Variants in ETS2 observed in about 807,000 individuals in gnomAD.
ETS2 encodes the protein protein C-ets-2.
ETS2 carries 19 observed loss-of-function variants against 54.9 expected under a neutral mutation model. The observed-to-expected ratio is 0.35, with a 90% CI of 0.24 to 0.51. ETS2 has a LOEUF of 0.51. Ranked by LOEUF, ETS2 falls within the 20% of genes least tolerant of loss-of-function variation. The pLI is 0.97. For synonymous variants in ETS2, 219 were observed against 229.3 expected (o/e 0.95, Z 0.41); for missense variants, 417 against 593.0 (o/e 0.70, Z 3.08).
rs2060893699 is a variant in ETS2 at position 38,806,493 on chromosome 21, G to C, written c.-1+373G>C. On this transcript the variant is annotated intron_variant, in intron 1 of 9. Transcript: ENST00000360938. The surrounding 1 kb of genome is among the most constrained non-coding windows in gnomAD (Gnocchi z 4.3). ...GGGGGTCCTGCCCAGTGGATGTCCC[G>C]GCGAACATGATTTCGCGAACGGGAG... The C allele has an allele frequency of 1.9e-5, 19 of 985,452 alleles. No homozygotes were observed. Among genetic ancestry groups the C allele is most frequent in the Non-Finnish European group, 2.3e-5 (19 of 829,978 alleles). 61.0% of individuals were successfully genotyped at this position (985,452 alleles called of 1,614,324 possible).
At position 38,805,952 on chromosome 21, in the gene ETS2, G is replaced by T; in HGVS notation, c.-169G>T. 2 of 1,270,282 alleles carry T rather than the reference G, an allele frequency of 1.6e-6. No individual in the cohort carries two copies. Among genetic ancestry groups the T allele is most frequent in the Non-Finnish European group, 1.0e-6 (1 of 981,678 alleles). 78.7% of individuals were successfully genotyped at this position (1,270,282 alleles called of 1,614,324 possible). On this transcript the variant is annotated 5_prime_UTR_variant, in exon 1 of 10. Transcript: ENST00000360938. The surrounding 1 kb of genome is among the most constrained non-coding windows in gnomAD (Gnocchi z 5.2). ...CCGGTTACTTCCTCCAGAGACTGACGAGTGCGGTGTCGCTCCAGCTCAGAG... is the reference window on the plus strand; with the variant it reads ...CCGGTTACTTCCTCCAGAGACTGACTAGTGCGGTGTCGCTCCAGCTCAGAG...
chr21:38,810,759 A>T (rs1170651547), intron 2 of ETS2, among the ~76,000 whole-genome samples: 2 of 152,230 alleles, frequency 1.3e-5, no homozygotes, highest in Non-Finnish European at 2.9e-5. Context: ...TTTCAGTATT[A>T]TGTAGTAAAC....
rs2060958782 is a variant in ETS2, at chr21:38,821,694, A to G, written c.1184A>G (p.Asp395Gly). ...TGDGWEFKLA[D>G]PDEVARRWGK... is the part of the protein sequence containing the mutation. ...GACGGATGGGAGTTTAAGCTCGCCGACCCCGATGAGGTATGGCCAGAGCCC... is the reference window on the plus strand; with the variant it reads ...GACGGATGGGAGTTTAAGCTCGCCGGCCCCGATGAGGTATGGCCAGAGCCC... The change falls in exon 9 of 10, where the codon GAC becomes GGC. Residue 395 changes from aspartate to glycine, a missense_variant. By Grantham distance (94) the Asp-to-Gly change is moderately conservative. Around this residue, in one of 3 missense-constraint regions of ETS2, gnomAD observed 60 missense variants for 134.1 expected, o/e 0.45. Transcript: ENST00000360938. This position sits in a 1 kb window ranked among gnomAD's most constrained non-coding sequence, Gnocchi z 4.2. 1 of 1,610,980 alleles carries G rather than the reference A, an allele frequency of 6.2e-7. No homozygotes were observed. Among genetic ancestry groups the G allele is most frequent in the Non-Finnish European group, 8.5e-7 (1 of 1,177,376 alleles).
At chr21:38,815,039 G>A in intron 5 of ETS2, 58 bp downstream of exon 5, 2 of 1,544,238 alleles carry the variant, frequency 1.3e-6, no homozygotes, top group Non-Finnish European at 1.8e-6. Context: ...CGGGAAGACT[G>A]ATTGGGAAAG....
chr21:38,809,272 T>C (rs533792868), intron 1 of ETS2, among the ~76,000 whole-genome samples: 3 of 152,334 alleles, frequency 2.0e-5, no homozygotes, highest in Admixed American at 6.5e-5. Context: ...TAGCCACACA[T>C]GGCAAGTGGG....
chr21:38,816,884 G>A, intron 5 of ETS2, 124 bp from the exon 6 acceptor site: 1 of 602,126 alleles, frequency 1.7e-6, no homozygotes, highest in Admixed American at 2.8e-5. Flanking sequence ...GAGATTAAAT[G>A]TGAAGCACTC....
chr21:38,818,071 C>T (rs534927774), intron 6 of ETS2, among the ~76,000 whole-genome samples: 33 of 152,314 alleles, frequency 2.2e-4, no homozygotes, highest in African/African-American at 7.5e-4. Context: ...TTATGAATCA[C>T]ACAGTACATG....
intron 1 of ETS2, among the ~76,000 whole-genome samples, chr21:38,808,281 C>G (rs2060900948): frequency 6.6e-6 from 1 of 152,140 alleles, no homozygotes; most frequent in Non-Finnish European, 1.5e-5. Flanking sequence ...TGGATGGTCC[C>G]CCAGCACGGG....
rs1020456525 is a variant in ETS2, at chr21:38,815,001, C to T, written c.505+20C>T. ...TCAAAGGTACCAGCTGAACGTCTTA[C>T]TTCTCCTTGTCCAGGATGAGCTGTG... On this transcript the variant is annotated intron_variant, in intron 5 of 9. Transcript: ENST00000360938. 1 of 1,610,022 alleles carries T rather than the reference C, an allele frequency of 6.2e-7. No individual in the cohort carries two copies. The highest frequency in any genetic ancestry group is 8.5e-7 in the Non-Finnish European group (1 of 1,176,452).
chr21:38,807,417 C>CTTTTTTTTTT (rs369913456), intron 1 of ETS2, among the ~76,000 whole-genome samples: 5 of 133,364 alleles, frequency 3.7e-5, no homozygotes, highest in Admixed American at 7.6e-5. Context: ...GCTCTTTATC[C>CTTTTTTTTTT]TTTTTTTTTT....
chr21:38,805,735 C>A, upstream of ETS2: 2 of 867,370 alleles, frequency 2.3e-6, no homozygotes, highest in Non-Finnish European at 3.1e-6. This position sits in a 1 kb window ranked among gnomAD's most constrained non-coding sequence, Gnocchi z 5.2. Flanking sequence ...CTGCTGCCCC[C>A]TTCCCTCTCC....
chr21:38,805,691 T>C, upstream of ETS2: 1 of 1,132,884 alleles, frequency 8.8e-7, no homozygotes, highest in Non-Finnish European at 1.1e-6. This position sits in a 1 kb window ranked among gnomAD's most constrained non-coding sequence, Gnocchi z 5.2. Context: ...CCCTCGTGCG[T>C]TCCCTCTCCT....
rs543888682 is a variant in ETS2 at position 38,806,915 on chromosome 21, G to A, written c.-1+795G>A. ...TTAGCCTGTACACAATTTCAGGGTA[G>A]CCTAAAACAGTAGTTGACGCGCTAG... On this transcript the variant is annotated intron_variant, in intron 1 of 9. Transcript: ENST00000360938. The surrounding 1 kb of genome is among the most constrained non-coding windows in gnomAD (Gnocchi z 4.3). The A allele has an allele frequency of 2.3e-5, 19 of 832,280 alleles. No individual in the cohort carries two copies. The African/African-American group carries it at 3.3e-4, about 14-fold the overall frequency. The allele number at this position is 832,280 out of a possible 1,614,324, so 51.6% of individuals were successfully genotyped here. A position where few individuals can be genotyped will look rare whatever the true frequency, so the allele number is the denominator to read the frequency against.
chr21:38,823,762 T>A lies in ETS2; in HGVS notation c.*873T>A, dbSNP rs770560670. On this transcript the variant is annotated 3_prime_UTR_variant, in exon 10 of 10. Coordinates refer to ENST00000360938, the MANE Select transcript of ETS2 (RefSeq NM_005239.6). ...TCTGGCCTCTGCTTTCTCCTTTAAT[T>A]GTAAAGTAAAAGCTATAAAGCAGTA... The A allele has an allele frequency of 5.2e-5, 8 of 152,656 alleles. No homozygotes were observed. The highest frequency in any genetic ancestry group is 1.0e-4 in the Non-Finnish European group (7 of 68,040). 9.5% of individuals were successfully genotyped at this position (152,656 alleles called of 1,614,324 possible).
rs202158735 is a variant in ETS2 at position 38,821,582 on chromosome 21, G to T, written c.1076-4G>T. On this transcript the variant is annotated splice_region_variant and splice_polypyrimidine_tract_variant and intron_variant, in intron 8 of 9. Transcript: ENST00000360938. This position sits in a 1 kb window ranked among gnomAD's most constrained non-coding sequence, Gnocchi z 4.2. ...ATGATCCGTCTCCCTCCCTCTCCCC[G>T]CAGGAAGTGGACCTATTCAGCTGTG... The T allele has an allele frequency of 8.5e-5, 136 of 1,601,434 alleles. No individual in the cohort carries two copies. The highest frequency in any genetic ancestry group is 1.1e-4 in the Non-Finnish European group (133 of 1,168,642).
intron 1 of ETS2, among the ~76,000 whole-genome samples, chr21:38,808,288 C>T (rs1468253951): frequency 1.3e-5 from 2 of 152,148 alleles, no homozygotes; most frequent in East Asian, 1.9e-4. Flanking sequence ...TCCCCCAGCA[C>T]GGGGCTTAGC....
At chr21:38,805,868 T>G, upstream of ETS2, 1 of 1,179,022 alleles carries the variant, frequency 8.5e-7, no homozygotes, top group Non-Finnish European at 1.1e-6. The surrounding 1 kb of genome is among the most constrained non-coding windows in gnomAD (Gnocchi z 5.2). Flanking sequence ...CGTCCCTCCT[T>G]CCTCCTCCCT....
chr21:38,805,612 G>A, upstream of ETS2: 1 of 1,255,082 alleles, frequency 8.0e-7, no homozygotes, highest in Non-Finnish European at 1.0e-6. The surrounding 1 kb of genome is among the most constrained non-coding windows in gnomAD (Gnocchi z 5.2). Flanking sequence ...GGAGGCGGAG[G>A]GAAGGTTGGG....
At chr21:38,816,731 A>G (rs1021456471) in intron 5 of ETS2, among the ~76,000 whole-genome samples, 17 of 152,242 alleles carry the variant, frequency 1.1e-4, no homozygotes, top group East Asian at 3.8e-4. Context: ...AATGAATTCA[A>G]TACACCATCT....
Sources: allele counts gnomAD v4.1 joint callset (sites outside exome capture counted in the v4.1 genomes callset), GRCh38; gene constraint gnomAD v4.1.1; regional missense constraint gnomAD v4.1.1; non-coding constraint Gnocchi (gnomAD v3.1); transcripts MANE v1.5; gene names NCBI Gene and HGNC (gene_info 2026-07-23, HGNC 2026-07-21).